The following LIFR variants were observed in gnomAD, a reference collection of about 807,000 sequenced individuals.
LIFR encodes the protein leukemia inhibitory factor receptor.
In LIFR, 84 loss-of-function variants were observed where a neutral mutation model predicts 122.2. The observed-to-expected ratio is 0.69, with a 90% confidence interval of 0.58 to 0.82. The LOEUF (loss-of-function observed/expected upper bound fraction) is 0.82, where lower values mean the gene tolerates loss of function less well. Among genes scored for constraint, LIFR ranks in the 40% least tolerant of loss-of-function variants. The pLI is 0.00. For synonymous variants in LIFR, 422 were observed against 434.7 expected, an observed-to-expected ratio of 0.97 and a Z score of 0.36; for missense variants, 1,294 against 1,311.6, an observed-to-expected ratio of 0.99 and a Z score of 0.21.
At chr5:38,498,831 A>T (rs1337840092) in intron 12 of LIFR, among the ~76,000 whole-genome samples, 1 of 152,214 alleles carries the variant, frequency 6.6e-6, no homozygotes, top group Non-Finnish European at 1.5e-5. Context: ...TTGAACCTGC[A>T]TGTACACTTC....
chr5:38,481,927 C>T lies in LIFR; in HGVS notation c.2962G>A (p.Glu988Lys). The change falls in exon 20 of 20, where the codon GAA becomes AAA. Residue 988 changes from glutamate (E) to lysine (K), a missense_variant. By Grantham distance (56) the Glu-to-Lys change is moderately conservative (BLOSUM62 1). Coordinates refer to ENST00000453190, the MANE Select transcript of LIFR (RefSeq NM_001127671.2). The part of the protein sequence containing the change: ...QSMYQPQAKP[E>K]EEQENDPVGG... ...ACAGGGTCATTTTCTTGTTCTTCTTCTGGTTTTGCTTGAGGCTGATACATC... is the reference window on the plus strand; with the variant it reads ...ACAGGGTCATTTTCTTGTTCTTCTTTTGGTTTTGCTTGAGGCTGATACATC... The T allele has an allele frequency of 1.2e-6, 2 of 1,614,108 alleles. No homozygotes were observed. The highest frequency in any genetic ancestry group is 1.7e-6 in the Non-Finnish European group (2 of 1,180,034).
At chr5:38,542,867 T>C (rs761269514) in intron 1 of LIFR, among the ~76,000 whole-genome samples, 7 of 152,124 alleles carry the variant, frequency 4.6e-5, no homozygotes, top group African/African-American at 7.2e-5. Flanking sequence ...CCTTCCCCAG[T>C]GTTCTCAGGT....
Position 38,502,721 on chromosome 5 carries a change from T to G in LIFR, c.1516A>C (p.Thr506Pro), listed in dbSNP as rs1057524477. Residue 506 changes from threonine (T) to proline (P), a missense_variant, in exon 11 of 20, where the codon ACT becomes CCT. Coordinates refer to ENST00000453190, the MANE Select transcript of LIFR (RefSeq NM_001127671.2). ...TCAGTAGAACAACGAATCCGAAAAG[T>G]ATATAGAGTGTATGGATTTAACTTG... ...LDKLNPYTLYTFRIRCSTETF... is the reference protein window; with the variant it reads ...LDKLNPYTLYPFRIRCSTETF... 2.5e-6 allele frequency: 4 copies of G among 1,611,410 alleles called. No individual in the cohort carries two copies. The highest frequency in any genetic ancestry group is 3.4e-6 in the Non-Finnish European group (4 of 1,177,618).
chr5:38,598,537 C>T (rs780531523), upstream of LIFR, among the ~76,000 whole-genome samples: 27 of 152,058 alleles, frequency 1.8e-4, no homozygotes, highest in Non-Finnish European at 3.2e-4. Context: ...GCTCCTGCCA[C>T]ATTCTACCTA....
At chr5:38,493,387 G>T (rs1485990264) in intron 14 of LIFR, among the ~76,000 whole-genome samples, 1 of 151,892 alleles carries the variant, frequency 6.6e-6, no homozygotes, top group Non-Finnish European at 1.5e-5. Context: ...AATCTGTGTT[G>T]TTCTCTGATT....
At chr5:38,537,970 T>A (rs1258191800) in intron 1 of LIFR, among the ~76,000 whole-genome samples, 1 of 152,198 alleles carries the variant, frequency 6.6e-6, no homozygotes, top group African/African-American at 2.4e-5. Context: ...CCTTTGTGGT[T>A]TCTAACCATA....
At chr5:38,528,049 G>A (rs1310798522) in intron 3 of LIFR, among the ~76,000 whole-genome samples, 1 of 152,106 alleles carries the variant, frequency 6.6e-6, no homozygotes, top group Non-Finnish European at 1.5e-5. Context: ...ACATGGTGAG[G>A]CTTCTTTAGG....
In LIFR at chr5:38,493,493, C is replaced by T; in HGVS notation, c.2065+113G>A. 3 of 1,034,652 alleles carry T rather than the reference C, an allele frequency of 2.9e-6. No individual in the cohort carries two copies. The South Asian group carries it at 3.9e-5, about 14-fold the overall frequency. The allele number at this position is 1,034,652 out of a possible 1,614,324, so 64.1% of individuals were successfully genotyped here. A position where few individuals can be genotyped will look rare whatever the true frequency, so the allele number is the denominator to read the frequency against. On this transcript the variant is annotated intron_variant, in intron 14 of 19. Transcript: ENST00000453190. ...CAACTACCCTCCCAGGAAAGTCAAA[C>T]CTATTTATACCCATCCAGCAGTAAA...
chr5:38,531,727 G>C (rs1318394016), intron 1 of LIFR, among the ~76,000 whole-genome samples: 1 of 152,064 alleles, frequency 6.6e-6, no homozygotes, highest in Non-Finnish European at 1.5e-5. Context: ...ACTTGATAAA[G>C]GAAAGGAGAT....
At chr5:38,555,532 T>C (rs1748473856) in intron 1 of LIFR, among the ~76,000 whole-genome samples, 1 of 152,140 alleles carries the variant, frequency 6.6e-6, no homozygotes, top group Non-Finnish European at 1.5e-5. Flanking sequence ...AACTTTTCTG[T>C]TGAAAGAATG....
chr5:38,475,923 A>C lies in LIFR; in HGVS notation c.*5672T>G. The C allele has an allele frequency of 5.1e-6, 1 of 195,522 alleles. No homozygotes were observed. The highest frequency in any genetic ancestry group is 1.1e-5 in the Non-Finnish European group (1 of 93,910). 12.1% of individuals were successfully genotyped at this position (195,522 alleles called of 1,614,324 possible). ...TCTTTTGCAAGCAATTCTGAATTTA[A>C]ATGTATTTAAGAAAAAGCCGTGCTC... is the stretch of plus-strand genomic sequence containing the variant. On this transcript the variant is annotated 3_prime_UTR_variant, in exon 20 of 20. Coordinates refer to ENST00000453190, the MANE Select transcript of LIFR (RefSeq NM_001127671.2).
Position 38,481,955 on chromosome 5 carries a change from C to T in LIFR, c.2934G>A (p.Gln978=), listed in dbSNP as rs148354076. ...GTTTTGCTTGAGGCTGATACATCGA[C>T]TGAACATCAATGTAAATAACCTGTG... is the stretch of plus-strand genomic sequence containing the variant. ...GTAQVIYIDV[Q]SMYQPQAKPE... The change falls in exon 20 of 20, where the codon CAG becomes CAA. Residue 978 remains glutamine, a synonymous_variant. Transcript: ENST00000453190. The T allele has an allele frequency of 1.1e-3, 1,699 of 1,614,148 alleles. 1 individual carries two copies. Among genetic ancestry groups the T allele is most frequent in the Non-Finnish European group, 1.3e-3 (1,545 of 1,180,038 alleles).
chr5:38,481,201 G>T lies in LIFR; in HGVS notation c.*394C>A, dbSNP rs115958115. On this transcript the variant is annotated 3_prime_UTR_variant, in exon 20 of 20. Transcript: ENST00000453190. ...TACTTGGACATTTTCTCCCTGGCCT[G>T]CAAATCCACTTACAATTCCACCAAG... is the stretch of plus-strand genomic sequence containing the variant. 5.0e-3 allele frequency: 1,441 copies of T among 287,214 alleles called. 19 individuals are homozygous for T. The highest frequency in any genetic ancestry group is 0.026 in the African/African-American group (1,193 of 46,572). 17.8% of individuals were successfully genotyped at this position (287,214 alleles called of 1,614,324 possible). A position where few individuals can be genotyped will look rare whatever the true frequency, so the allele number is the denominator to read the frequency against.
chr5:38,548,701 A>C (rs1748028837), intron 1 of LIFR, among the ~76,000 whole-genome samples: 1 of 152,236 alleles, frequency 6.6e-6, no homozygotes, highest in African/African-American at 2.4e-5. Flanking sequence ...ACTATTCAAG[A>C]CAACAACAGA....
chr5:38,579,449 A>G (rs1749509128), intron 1 of LIFR: 2 of 149,450 alleles, frequency 1.3e-5, no homozygotes, highest in African/African-American at 4.9e-5. Flanking sequence ...ATATTTTTGG[A>G]AAAAAAAAAG....
chr5:38,514,950 C>T (rs928117532), intron 5 of LIFR, among the ~76,000 whole-genome samples: 2 of 152,098 alleles, frequency 1.3e-5, no homozygotes, highest in Non-Finnish European at 2.9e-5. Flanking sequence ...TGGAAGCAAT[C>T]CCCCAAAAGA....
Position 38,592,687 on chromosome 5 carries a change from C to T in LIFR, c.-20+2574G>A, listed in dbSNP as rs180671907. On this transcript the variant is annotated intron_variant, in intron 1 of 19. Coordinates refer to the LIFR transcript ENST00000263409. ...AAAAAAAAAAAAAAGTTACGTGAGA[C>T]GGCACCATATGTGCACATTTTTTCT... Among the ~76,000 whole-genome samples, 25 of 149,662 alleles carry T rather than the reference C, an allele frequency of 1.7e-4. No homozygotes were observed. In the South Asian group the frequency reaches 2.8e-3, roughly 16 times the overall value.
At chr5:38,551,332 C>T (rs1421294069) in intron 1 of LIFR, among the ~76,000 whole-genome samples, 1 of 152,168 alleles carries the variant, frequency 6.6e-6, no homozygotes, top group Non-Finnish European at 1.5e-5. Context: ...GGGCTGCAGC[C>T]TAAAGTCCTG....
intron 7 of LIFR, among the ~76,000 whole-genome samples, chr5:38,507,059 T>C (rs1745524900): frequency 6.6e-6 from 1 of 152,104 alleles, no homozygotes; most frequent in African/African-American, 2.4e-5. Flanking sequence ...TGAAAATCAG[T>C]AAGTCATGTT....
Sources: allele counts gnomAD v4.1 joint callset (sites outside exome capture counted in the v4.1 genomes callset), GRCh38; gene constraint gnomAD v4.1.1; transcripts MANE v1.5; gene names NCBI Gene and HGNC (gene_info 2026-07-23, HGNC 2026-07-21).